The following RPS6KA2 variants were observed in gnomAD, a reference collection of about 807,000 sequenced individuals.
RPS6KA2 encodes the protein ribosomal protein S6 kinase A2.
A neutral mutation model predicts 91.8 loss-of-function variants in RPS6KA2; 42 were observed. The ratio of observed to expected loss-of-function variants is 0.46; its 90% CI spans 0.36 to 0.59. The LOEUF is 0.59. Among genes scored for constraint, RPS6KA2 ranks in the 20% least tolerant of loss-of-function variants. The probability of loss-of-function intolerance (pLI) is 0.00; values close to 1 mark genes in which losing one functional copy is unlikely to be tolerated. For missense variants in RPS6KA2, 798 were observed against 978.5 expected (o/e 0.82, Z 2.46); for synonymous variants, 414 against 393.6 (o/e 1.05, Z -0.61).
intron 1 of RPS6KA2, among the ~76,000 whole-genome samples, chr6:166,569,060 G>A (rs1244663371): frequency 2.6e-5 from 4 of 152,096 alleles, no homozygotes; most frequent in Non-Finnish European, 5.9e-5. Context: ...TAATAACAAA[G>A]AAGGGTATTG....
In RPS6KA2 at chr6:166,448,607, A is replaced by G. The variant is rs1229054805; in HGVS notation, c.1332+117T>C. On this transcript the variant is annotated intron_variant, in intron 14 of 20. Transcript: ENST00000265678. The surrounding 1 kb of genome is among the most constrained non-coding windows in gnomAD (Gnocchi z 4.7). Reference sequence around the variant, plus strand: ...TCCCATGTGCTGTACATGCTCCCACACGCTGCACTCACACAGGGCCCTGCT... The same window carrying G: ...TCCCATGTGCTGTACATGCTCCCACGCGCTGCACTCACACAGGGCCCTGCT... The G allele has an allele frequency of 7.7e-7, 1 of 1,303,494 alleles. No individual in the cohort carries two copies. Among genetic ancestry groups the G allele is most frequent in the Non-Finnish European group, 1.0e-6 (1 of 956,340 alleles). The allele number at this position is 1,303,494 out of a possible 1,614,324, so 80.7% of individuals were successfully genotyped here. A position where few individuals can be genotyped will look rare whatever the true frequency, so the allele number is the denominator to read the frequency against.
chr6:166,705,393 T>C (rs1372425858), intron 2 of RPS6KA2, among the ~76,000 whole-genome samples: 1 of 152,220 alleles, frequency 6.6e-6, no homozygotes, highest in East Asian at 1.9e-4. Flanking sequence ...CAGCAGTCTA[T>C]GAAACACTAA....
chr6:166,669,478 G>T (rs1208597160), intron 2 of RPS6KA2, among the ~76,000 whole-genome samples: 3 of 152,098 alleles, frequency 2.0e-5, no homozygotes, highest in African/African-American at 7.2e-5. Context: ...CTCTGTTGGG[G>T]GTTGAGAACC....
intron 10 of RPS6KA2, among the ~76,000 whole-genome samples, chr6:166,476,564 C>T (rs1465242581): frequency 6.6e-6 from 1 of 152,166 alleles, no homozygotes; most frequent in Non-Finnish European, 1.5e-5. Flanking sequence ...CTGGACTGAA[C>T]GGAACTGTCT....
rs752741400 is a variant in RPS6KA2 at position 166,636,697 on chromosome 6, C to T, written c.124-97913G>A. Among the ~76,000 whole-genome samples, 84 of 152,176 alleles carry T rather than the reference C, an allele frequency of 5.5e-4. 1 individual carries two copies. Among genetic ancestry groups the T allele is most frequent in the Middle Eastern group, 3.2e-3 (1 of 316 alleles). On this transcript the variant is annotated intron_variant, in intron 2 of 21. Coordinates refer to the RPS6KA2 transcript ENST00000503859. ...AGAGCCCAGCTCACAGTAGGCACTCCGTGGATATCTGCTGCCCTTGTTGAA... is the reference window on the plus strand; with the variant it reads ...AGAGCCCAGCTCACAGTAGGCACTCTGTGGATATCTGCTGCCCTTGTTGAA...
At chr6:166,642,913 G>A (rs1787489922) in intron 2 of RPS6KA2, among the ~76,000 whole-genome samples, 2 of 152,184 alleles carry the variant, frequency 1.3e-5, no homozygotes, top group African/African-American at 2.4e-5. Context: ...GGGAAATGAG[G>A]TAACATTTTC....
At chr6:166,668,688 G>A (rs1788387426) in intron 2 of RPS6KA2, among the ~76,000 whole-genome samples, 1 of 152,182 alleles carries the variant, frequency 6.6e-6, no homozygotes, top group Non-Finnish European at 1.5e-5. Flanking sequence ...AAGAGGCACA[G>A]GGAGGCTGGT....
intron 2 of RPS6KA2, among the ~76,000 whole-genome samples, chr6:166,698,443 G>A (rs1458694037): frequency 6.6e-5 from 10 of 152,210 alleles, no homozygotes; most frequent in Non-Finnish European, 1.5e-4. Context: ...TCATTGTGGA[G>A]TGAGAGCAAA....
Position 166,627,014 on chromosome 6 carries a change from G to C in RPS6KA2, c.6C>G (p.Asp2Glu), listed in dbSNP as rs1368149067. 6.6e-7 allele frequency: 1 copy of C among 1,509,242 alleles called. No individual in the cohort carries two copies. Among genetic ancestry groups the C allele is most frequent in the Admixed American group, 2.0e-5 (1 of 50,564 alleles). 93.5% of individuals were successfully genotyped at this position (1,509,242 alleles called of 1,614,324 possible). A position where few individuals can be genotyped will look rare whatever the true frequency, so the allele number is the denominator to read the frequency against. ...GCACGGCGAACTTCTTCATGCTCAG[G>C]TCCATCGCCCCGCGCCCAGCCCGGA... The part of the protein sequence containing the change: M[D>E]LSMKKFAVRR... The change falls in exon 1 of 21, where the codon GAC (aspartate) becomes GAG (glutamate). Residue 2 changes from aspartate to glutamate, a missense_variant. Transcript: ENST00000265678.
intron 2 of RPS6KA2, among the ~76,000 whole-genome samples, chr6:166,678,287 C>CG (rs1788673847): frequency 1.3e-5 from 2 of 152,186 alleles, no homozygotes; most frequent in South Asian, 4.1e-4. Flanking sequence ...GGCTCTTCCA[C>CG]GCTTATCCTG....
chr6:166,724,697 C>A lies in RPS6KA2; in HGVS notation c.123+133503G>T, dbSNP rs185318810. Among the ~76,000 whole-genome samples the A allele has an allele frequency of 1.7e-3, 254 of 152,332 alleles. 2 individuals are homozygous for A. The highest frequency in any genetic ancestry group is 5.2e-3 in the African/African-American group (218 of 41,572). ...AATCTGTGGCCATTTGGCCTGGTTT[C>A]CTAGTCCTATGCTGAGGGTGCAGGT... is the stretch of plus-strand genomic sequence containing the variant. On this transcript the variant is annotated intron_variant, in intron 2 of 21. Coordinates refer to the RPS6KA2 transcript ENST00000503859.
intron 2 of RPS6KA2, among the ~76,000 whole-genome samples, chr6:166,804,978 C>T (rs1350169115): frequency 2.0e-5 from 3 of 152,108 alleles, no homozygotes; most frequent in Admixed American, 1.3e-4. Flanking sequence ...CCTCTTGAGA[C>T]ATTATTATTA....
At chr6:166,728,029 A>G (rs1238378615) in intron 2 of RPS6KA2, among the ~76,000 whole-genome samples, 2 of 152,242 alleles carry the variant, frequency 1.3e-5, no homozygotes, top group East Asian at 3.8e-4. Flanking sequence ...ATGGTATAGC[A>G]ACTATTTCCA....
intron 2 of RPS6KA2, among the ~76,000 whole-genome samples, chr6:166,536,204 T>C (rs896433854): frequency 6.6e-5 from 10 of 152,260 alleles, no homozygotes; most frequent in Non-Finnish European, 1.2e-4. Flanking sequence ...AGGCAAGGCC[T>C]GTCCCGGGAC....
intron 11 of RPS6KA2, among the ~76,000 whole-genome samples, chr6:166,465,695 C>A (rs142788803): frequency 1.1e-3 from 170 of 152,348 alleles, no homozygotes; most frequent in African/African-American, 4.0e-3. Context: ...GGCATCATTT[C>A]TCTCTCTTTC....
chr6:166,860,305 T>C (rs1781015692), intron 1 of RPS6KA2, among the ~76,000 whole-genome samples: 1 of 152,214 alleles, frequency 6.6e-6, no homozygotes, highest in Non-Finnish European at 1.5e-5. Context: ...AAAAAATTTA[T>C]TTTGCTTCAA....
At chr6:166,814,179 CA>C (rs947026768) in intron 2 of RPS6KA2, among the ~76,000 whole-genome samples, 4 of 151,998 alleles carry the variant, frequency 2.6e-5, no homozygotes, top group African/African-American at 7.2e-5. Context: ...TAGTATGTTT[CA>C]AAAAAATTGT....
In RPS6KA2 at chr6:166,439,597, G is replaced by A. The variant is rs569145346; in HGVS notation, c.1333-7107C>T. Among the ~76,000 whole-genome samples the A allele has an allele frequency of 4.6e-5, 7 of 152,302 alleles. No homozygotes were observed. The East Asian group carries it at 7.7e-4, about 17-fold the overall frequency. On this transcript the variant is annotated intron_variant, in intron 14 of 20. Transcript: ENST00000265678. Reference sequence around the variant, plus strand: ...CTGGAGTGGCTGCCCTCACAGGGCCGTGCACACAGACAGTGAACAACCCAT... The same window carrying A: ...CTGGAGTGGCTGCCCTCACAGGGCCATGCACACAGACAGTGAACAACCCAT...
intron 2 of RPS6KA2, among the ~76,000 whole-genome samples, chr6:166,643,040 C>A (rs79870075): frequency 4.6e-5 from 7 of 152,200 alleles, no homozygotes; most frequent in African/African-American, 1.7e-4. Context: ...TCTAGGCCCC[C>A]ATAGGATGTG....
Sources: gnomAD v4.1 joint callset for allele counts (sites outside exome capture counted in the v4.1 genomes callset) on GRCh38, gnomAD v4.1.1 for gene constraint, Gnocchi (gnomAD v3.1) non-coding constraint, MANE v1.5 for transcripts, NCBI Gene and HGNC (gene_info 2026-07-23, HGNC 2026-07-21) for gene names.